INO80: variants seen among roughly 807,000 people sequenced by gnomAD.
INO80 encodes the protein INO80 complex ATPase subunit.
INO80 carries 20 observed loss-of-function variants against 203.4 expected under a neutral mutation model. The ratio of observed to expected loss-of-function variants is 0.10; its 90% CI spans 0.07 to 0.14. The LOEUF (loss-of-function observed/expected upper bound fraction) is 0.14. Among genes scored for constraint, INO80 ranks in the 10% least tolerant of loss-of-function variants. The pLI is 1.00. For missense variants in INO80, 1,419 were observed against 1,914.4 expected (o/e 0.74, Z 4.83); for synonymous variants, 726 against 685.2 (o/e 1.06, Z -0.93).
At chr15:40,992,092 TAGA>T (rs764010075) in intron 29 of INO80, among the ~76,000 whole-genome samples, 2 of 152,236 alleles carry the variant, frequency 1.3e-5, no homozygotes, top group Admixed American at 1.3e-4. Context: ...GGAAAATTTC[TAGA>T]AGAACAAGTG....
intron 28 of INO80, among the ~76,000 whole-genome samples, chr15:40,998,937 G>C (rs1004747911): frequency 6.6e-6 from 1 of 151,692 alleles, no homozygotes; most frequent in Non-Finnish European, 1.5e-5. Context: ...TTCCAGGCGT[G>C]AGCCACTGTG....
chr15:41,076,568 CTT>C (rs1158288183), intron 9 of INO80, among the ~76,000 whole-genome samples: 1 of 150,962 alleles, frequency 6.6e-6, no homozygotes, highest in African/African-American at 2.4e-5. Context: ...ATGGCAAAAC[CTT>C]GTTTCTACAA....
intron 1 of INO80, among the ~76,000 whole-genome samples, chr15:41,112,414 T>G (rs912349468): frequency 2.0e-5 from 3 of 152,216 alleles, no homozygotes; most frequent in East Asian, 3.9e-4. Flanking sequence ...TGTCTGATAT[T>G]AGTGCCTATG....
chr15:41,045,204 T>G, intron 23 of INO80, 129 bp from the exon 24 acceptor site: 1 of 616,284 alleles, frequency 1.6e-6, no homozygotes, highest in East Asian at 3.1e-5. Flanking sequence ...GAAACAGTTC[T>G]TTCCTACTTT....
chr15:41,108,591 C>CA (rs61591905), intron 1 of INO80, among the ~76,000 whole-genome samples: 2,689 of 51,324 alleles, frequency 0.052, 64 homozygotes, highest in African/African-American at 0.067. Context: ...GACTCCGTCT[C>CA]AAAAAAAAAA....
intron 29 of INO80, among the ~76,000 whole-genome samples, chr15:40,990,660 A>G (rs1474276743): frequency 6.6e-6 from 1 of 152,222 alleles, no homozygotes; most frequent in Admixed American, 6.5e-5. Flanking sequence ...AGAAGTGCAC[A>G]ATGCTTGTTG....
Position 40,980,235 on chromosome 15 carries a change from A to G in INO80, c.4659T>C (p.Ser1553=). 1 of 1,612,750 alleles carries G rather than the reference A, an allele frequency of 6.2e-7. No homozygotes were observed. The highest frequency in any genetic ancestry group is 8.5e-7 in the Non-Finnish European group (1 of 1,179,952). The change falls in exon 36 of 36, where the codon TCT becomes TCC. Residue 1553 remains serine (S), a synonymous_variant. Coordinates refer to ENST00000648947, the MANE Select transcript of INO80 (RefSeq NM_017553.3). ...VRKQGKGTNP[S]GGR Reference sequence around the variant, plus strand: ...AGGGCCCAGATGGTTACCGTCCTCCAGAGGGGTTGGTGCCTTTGCCCTGTT... The same window carrying G: ...AGGGCCCAGATGGTTACCGTCCTCCGGAGGGGTTGGTGCCTTTGCCCTGTT...
chr15:41,109,489 T>C (rs558451357), intron 1 of INO80, among the ~76,000 whole-genome samples: 31 of 150,844 alleles, frequency 2.1e-4, no homozygotes, highest in Middle Eastern at 3.4e-3. Flanking sequence ...CCGTATTTAT[T>C]ACAAAATAGA....
At chr15:40,990,844 G>T (rs2043808166) in intron 29 of INO80, among the ~76,000 whole-genome samples, 1 of 152,190 alleles carries the variant, frequency 6.6e-6, no homozygotes, top group South Asian at 2.1e-4. Flanking sequence ...TACTTGCCCA[G>T]TGTATTTTTT....
At position 41,030,938 on chromosome 15, in the gene INO80, G is replaced by C. The variant is rs555612627; in HGVS notation, c.2908-3202C>G. Among the ~76,000 whole-genome samples the C allele has an allele frequency of 4.7e-4, 71 of 152,280 alleles. 2 individuals carry two copies. Among genetic ancestry groups the C allele is most frequent in the African/African-American group, 1.4e-3 (58 of 41,548 alleles). On this transcript the variant is annotated intron_variant, in intron 24 of 35. Coordinates refer to ENST00000648947, the MANE Select transcript of INO80 (RefSeq NM_017553.3). ...GTCCACCTTGGCCTCCCAAAGTGCT[G>C]GGATTACAGGCGTGAGCCACTGTGC...
chr15:41,113,464 A>C (rs513680), intron 1 of INO80, among the ~76,000 whole-genome samples: 18,044 of 151,788 alleles, frequency 0.12, 3,207 homozygotes, highest in African/African-American at 0.39. Context: ...GTCAGAGTTT[A>C]ACCATGTTGG....
Position 41,071,928 on chromosome 15 carries a change from G to A in INO80, c.1526C>T (p.Pro509Leu). The A allele has an allele frequency of 6.2e-7, 1 of 1,614,016 alleles. No homozygotes were observed. Among genetic ancestry groups the A allele is most frequent in the Non-Finnish European group, 8.5e-7 (1 of 1,179,940 alleles). Reference sequence around the variant, plus strand: ...TTTGCCATTAAAAATTGTGGGCTGTGGAATATCCTCACCAGCCCGGATAGA... The same window carrying A: ...TTTGCCATTAAAAATTGTGGGCTGTAGAATATCCTCACCAGCCCGGATAGA... ...NPSIRAGEDIPQPTIFNGKLK... is the reference protein window; with the variant it reads ...NPSIRAGEDILQPTIFNGKLK... Residue 509 changes from proline (P) to leucine (L), a missense_variant, in exon 12 of 36, where the codon CCA (proline) becomes CTA (leucine). Pro to Leu is a moderately conservative substitution (Grantham distance 98). This residue lies in a region of INO80 where 192 missense variants were observed against 406.7 expected (regional missense o/e 0.47). Coordinates refer to ENST00000648947, the MANE Select transcript of INO80 (RefSeq NM_017553.3).
At chr15:41,073,877 T>C (rs1260382397) in intron 10 of INO80, among the ~76,000 whole-genome samples, 1 of 152,202 alleles carries the variant, frequency 6.6e-6, no homozygotes, top group East Asian at 1.9e-4. Context: ...CCCAAGATAC[T>C]ATAAAGCAGT....
chr15:41,051,944 C>A (rs1158630930), intron 19 of INO80, among the ~76,000 whole-genome samples: 1 of 151,790 alleles, frequency 6.6e-6, no homozygotes, highest in Non-Finnish European at 1.5e-5. Context: ...GTCGACAGAG[C>A]AAGACTCAGT....
At chr15:41,043,209 CAG>C (rs1161019847) in intron 24 of INO80, among the ~76,000 whole-genome samples, 1 of 152,098 alleles carries the variant, frequency 6.6e-6, no homozygotes, top group African/African-American at 2.4e-5. Context: ...GTCCATATAA[CAG>C]GGAACAACAA....
intron 15 of INO80, 32 bp from the exon 16 acceptor site, chr15:41,058,813 G>T: frequency 6.3e-7 from 1 of 1,594,620 alleles, no homozygotes. Flanking sequence ...GGTGAAAAGA[G>T]AAACCTAATA....
chr15:40,980,451 G>A lies in INO80; in HGVS notation c.4454-11C>T, dbSNP rs61731603. 6,685 of 1,603,416 alleles carry A rather than the reference G, an allele frequency of 4.2e-3. 222 individuals carry two copies. The African/African-American group carries it at 0.079, about 19-fold the overall frequency. ...TGCTGGCGGAGATTCCTGTGGGGAC[G>A]GAGAGAGACAAGAACGTAAGCACCA... On this transcript the variant is annotated splice_polypyrimidine_tract_variant and intron_variant, in intron 35 of 35. Coordinates refer to ENST00000648947, the MANE Select transcript of INO80 (RefSeq NM_017553.3).
intron 29 of INO80, 93 bp from the exon 30 acceptor site, chr15:40,988,067 G>T (rs1022977527): frequency 2.0e-6 from 2 of 1,017,756 alleles, no homozygotes; most frequent in Non-Finnish European, 2.9e-6. Context: ...CGAGTTTGGC[G>T]TCAGTAGGGT....
chr15:41,020,003 C>T (rs2044266476), intron 26 of INO80, among the ~76,000 whole-genome samples: 1 of 152,134 alleles, frequency 6.6e-6, no homozygotes, highest in Non-Finnish European at 1.5e-5. Context: ...AGGCAGATCA[C>T]GAGGTCAGGA....
Sources: gnomAD v4.1 joint callset for allele counts (sites outside exome capture counted in the v4.1 genomes callset) on GRCh38, gnomAD v4.1.1 for gene constraint, gnomAD v4.1.1 regional missense constraint, MANE v1.5 for transcripts, NCBI Gene and HGNC (gene_info 2026-07-23, HGNC 2026-07-21) for gene names.